The following KIT variants were observed in gnomAD, a reference collection of about 807,000 sequenced individuals.
KIT encodes the protein mast/stem cell growth factor receptor Kit.
KIT carries 16 observed loss-of-function variants against 105.7 expected under a neutral mutation model. The ratio of observed to expected loss-of-function variants is 0.15; its 90% CI spans 0.10 to 0.23. The LOEUF (loss-of-function observed/expected upper bound fraction) is 0.23. Ranked by LOEUF, KIT falls within the 10% of genes least tolerant of loss-of-function variation. The probability of loss-of-function intolerance (pLI) is 1.00; values close to 1 mark genes in which losing one functional copy is unlikely to be tolerated. For missense variants in KIT, 858 were observed against 1,213.8 expected, an observed-to-expected ratio of 0.71 and a Z score of 4.36; for synonymous variants, 438 against 441.1, an observed-to-expected ratio of 0.99 and a Z score of 0.09.
intron 1 of KIT, among the ~76,000 whole-genome samples, chr4:54,684,182 G>A (rs1384658129): frequency 1.3e-5 from 2 of 151,822 alleles, no homozygotes; most frequent in Non-Finnish European, 2.9e-5. Flanking sequence ...TGGGTGGGGT[G>A]GGGTGGGGTG....
rs1278847358 is a variant in KIT, at chr4:54,707,145, G to A, written c.973G>A (p.Val325Ile). Residue 325 changes from valine (V) to isoleucine (I), a missense_variant, in exon 6 of 21, where the codon GTA (valine) becomes ATA (isoleucine). By Grantham distance (29) the Val-to-Ile change is conservative. Transcript: ENST00000288135. Reference sequence around the variant, plus strand: ...CCCCATGATAAACACTACAGTATTTGTAAACGATGGAGAAAATGTAGATTT... The same window carrying A: ...CCCCATGATAAACACTACAGTATTTATAAACGATGGAGAAAATGTAGATTT... ...IFPMINTTVF[V>I]NDGENVDLIV... 4 of 1,579,352 alleles carry A rather than the reference G, an allele frequency of 2.5e-6. No homozygotes were observed. In the African/African-American group the frequency reaches 4.0e-5, roughly 16 times the overall value.
chr4:54,708,825 A>G (rs898393868), intron 6 of KIT, among the ~76,000 whole-genome samples: 9 of 152,186 alleles, frequency 5.9e-5, no homozygotes, highest in African/African-American at 1.4e-4. Context: ...AGTAACCCCG[A>G]CAGGGTTGTA....
At chr4:54,698,696 A>G in intron 3 of KIT, 131 bp downstream of exon 3, 1 of 1,005,004 alleles carries the variant, frequency 1.0e-6, no homozygotes, top group Non-Finnish European at 1.5e-6. Flanking sequence ...CAGCTTCAAA[A>G]AATGTCATCT....
chr4:54,673,249 G>A (rs1270495880), intron 1 of KIT, among the ~76,000 whole-genome samples: 1 of 151,906 alleles, frequency 6.6e-6, no homozygotes, highest in Non-Finnish European at 1.5e-5. Context: ...TCTGATCTTT[G>A]TTGGCTTTAG....
intron 1 of KIT, among the ~76,000 whole-genome samples, chr4:54,662,947 A>G (rs1476270389): frequency 6.6e-6 from 1 of 152,080 alleles, no homozygotes; most frequent in Non-Finnish European, 1.5e-5. Context: ...GGAAATCACT[A>G]GTCCTAGAGA....
chr4:54,661,217 A>G (rs1293539754), intron 1 of KIT, among the ~76,000 whole-genome samples: 1 of 152,314 alleles, frequency 6.6e-6, no homozygotes, highest in Admixed American at 6.5e-5. Flanking sequence ...GTCATTGGCT[A>G]TTTACCCTGG....
Position 54,738,703 on chromosome 4 carries a change from G to A in KIT, c.*146G>A. On this transcript the variant is annotated 3_prime_UTR_variant, in exon 21 of 21. Transcript: ENST00000288135. ...CCTGTCTTTCTGAGCACACTTTAGT[G>A]GCCGATGATTTTTGTCATCAGCCAC... 9.7e-7 allele frequency: 1 copy of A among 1,034,846 alleles called. No individual in the cohort carries two copies. Among genetic ancestry groups the A allele is most frequent in the Non-Finnish European group, 1.5e-6 (1 of 671,076 alleles). 64.1% of individuals were successfully genotyped at this position (1,034,846 alleles called of 1,614,324 possible).
intron 1 of KIT, among the ~76,000 whole-genome samples, chr4:54,685,405 CCTTG>C (rs1475977802): frequency 1.3e-5 from 2 of 152,286 alleles, no homozygotes; most frequent in Admixed American, 6.5e-5. Flanking sequence ...ATATTTTTCT[CCTTG>C]CTTCTTCACT....
At chr4:54,733,428 A>G (rs1020453984) in intron 17 of KIT, 1 of 449,824 alleles carries the variant, frequency 2.2e-6, no homozygotes, top group African/African-American at 2.0e-5. Context: ...CATGTGAAGG[A>G]AACAGAAATA....
intron 3 of KIT, 28 bp downstream of exon 3, chr4:54,698,593 G>A: frequency 6.2e-7 from 1 of 1,612,830 alleles, no homozygotes; most frequent in Non-Finnish European, 8.5e-7. Context: ...TCTGCCTCTG[G>A]GAGTTGAGAA....
intron 20 of KIT, among the ~76,000 whole-genome samples, chr4:54,737,576 G>C (rs1011427665): frequency 5.9e-5 from 9 of 152,204 alleles, no homozygotes; most frequent in Admixed American, 2.0e-4. Flanking sequence ...CATCTCAAAT[G>C]CTGGTCACGG....
intron 7 of KIT, among the ~76,000 whole-genome samples, chr4:54,719,701 G>T (rs759089488): frequency 4.3e-4 from 65 of 152,164 alleles, no homozygotes; most frequent in Non-Finnish European, 7.6e-4. Flanking sequence ...AGAAGCCACA[G>T]CTCAGATTTA....
intron 17 of KIT, 77 bp downstream of exon 17, chr4:54,733,269 A>G: frequency 6.6e-7 from 1 of 1,518,160 alleles, no homozygotes; most frequent in Non-Finnish European, 9.1e-7. Flanking sequence ...GTTTCCTGTG[A>G]TTTTCATAAT....
intron 7 of KIT, among the ~76,000 whole-genome samples, chr4:54,717,508 G>C (rs1721583602): frequency 1.3e-5 from 2 of 152,096 alleles, no homozygotes; most frequent in Admixed American, 1.3e-4. Context: ...ACAGGTTTAG[G>C]TATGTAGCCA....
intron 7 of KIT, among the ~76,000 whole-genome samples, chr4:54,712,902 T>A (rs556994645): frequency 3.9e-4 from 59 of 152,254 alleles, no homozygotes; most frequent in Middle Eastern, 3.4e-3. Context: ...TTGTTACAAA[T>A]AACAAACTGA....
chr4:54,693,600 C>T (rs1160316095), intron 1 of KIT, among the ~76,000 whole-genome samples: 1 of 152,182 alleles, frequency 6.6e-6, no homozygotes, highest in Admixed American at 6.5e-5. Flanking sequence ...CTCACGTCCC[C>T]TCCCCTCAGA....
chr4:54,680,516 C>T (rs1473187225), intron 1 of KIT, among the ~76,000 whole-genome samples: 2 of 151,498 alleles, frequency 1.3e-5, no homozygotes, highest in African/African-American at 4.9e-5. Flanking sequence ...CTCAGCCTGC[C>T]GAGTAGCTGG....
rs1444761525 is a variant in KIT, at chr4:54,739,939, A to G, written c.*1382A>G. The G allele has an allele frequency of 2.1e-5, 5 of 233,422 alleles. No homozygotes were observed. Among genetic ancestry groups the G allele is most frequent in the Non-Finnish European group, 4.2e-5 (5 of 117,964 alleles). 14.5% of individuals were successfully genotyped at this position (233,422 alleles called of 1,614,324 possible). A position where few individuals can be genotyped will look rare whatever the true frequency, so the allele number is the denominator to read the frequency against. ...ACTGTACCTGTTCCTTAGACCTTCC[A>G]TAATGCTACTGTCTCACTGAAACAT... On this transcript the variant is annotated 3_prime_UTR_variant, in exon 21 of 21. Coordinates refer to ENST00000288135, the MANE Select transcript of KIT (RefSeq NM_000222.3).
At chr4:54,708,071 T>C (rs972503133) in intron 6 of KIT, among the ~76,000 whole-genome samples, 1 of 152,032 alleles carries the variant, frequency 6.6e-6, no homozygotes, top group Non-Finnish European at 1.5e-5. Flanking sequence ...GGGAAGAGGA[T>C]AAATTTGGGA....
Sources: gnomAD v4.1 joint callset for allele counts (sites outside exome capture counted in the v4.1 genomes callset) on GRCh38, gnomAD v4.1.1 for gene constraint, MANE v1.5 for transcripts, NCBI Gene and HGNC (gene_info 2026-07-23, HGNC 2026-07-21) for gene names.